The following THBS4 variants were observed in gnomAD, a reference collection of about 807,000 sequenced individuals.
The protein encoded by THBS4 is thrombospondin-4.
Under a neutral mutation model 115.7 loss-of-function variants are expected in THBS4, and 90 were observed. The observed-to-expected ratio is 0.78, with a 90% CI of 0.66 to 0.93. THBS4 has a LOEUF of 0.93. Ranked by LOEUF, THBS4 falls within the 40% of genes least tolerant of loss-of-function variation. The pLI, the probability that THBS4 is intolerant of heterozygous loss-of-function variation, is 0.00. For synonymous variants in THBS4, 460 were observed against 479.3 expected, an observed-to-expected ratio of 0.96 and a Z score of 0.53; for missense variants, 1,087 against 1,232.7, an observed-to-expected ratio of 0.88 and a Z score of 1.77.
intron 2 of THBS4, among the ~76,000 whole-genome samples, chr5:80,025,335 GT>G (rs1473193803): frequency 6.6e-6 from 1 of 152,304 alleles, no homozygotes; most frequent in East Asian, 1.9e-4. Context: ...AGAAAAACTA[GT>G]CATAATCTCG....
chr5:80,058,620 A>G, intron 4 of THBS4, 88 bp from the exon 5 acceptor site: 1 of 1,155,078 alleles, frequency 8.7e-7, no homozygotes, highest in East Asian at 2.4e-5. Context: ...TCTTGTCAGG[A>G]TGATTTCCTG....
chr5:80,013,904 G>A (rs190962826), intron 2 of THBS4, among the ~76,000 whole-genome samples: 24 of 152,298 alleles, frequency 1.6e-4, no homozygotes, highest in Non-Finnish European at 3.1e-4. Flanking sequence ...ATAACTAAGC[G>A]TCTTTGAAGG....
Position 80,072,537 on chromosome 5 carries a change from A to G in THBS4, c.1839+141A>G. On this transcript the variant is annotated intron_variant, in intron 14 of 21. Coordinates refer to ENST00000350881, the MANE Select transcript of THBS4 (RefSeq NM_003248.6). ...CAAAGCAGAGGTGGAAAAATGACACACTGTGGGCCTGAAGATGGTGGGATG... is the reference window on the plus strand; with the variant it reads ...CAAAGCAGAGGTGGAAAAATGACACGCTGTGGGCCTGAAGATGGTGGGATG... 3 of 746,478 alleles carry G rather than the reference A, an allele frequency of 4.0e-6. No individual in the cohort carries two copies. In the East Asian group the frequency reaches 7.4e-5, roughly 19 times the overall value. The allele number at this position is 746,478 out of a possible 1,614,324, so 46.2% of individuals were successfully genotyped here.
At chr5:79,994,143 C>T (rs1831742846) in intron 1 of THBS4, among the ~76,000 whole-genome samples, 1 of 152,164 alleles carries the variant, frequency 6.6e-6, no homozygotes, top group Non-Finnish European at 1.5e-5. Context: ...TTTCTACATG[C>T]CAGAAGTTGT....
chr5:80,061,488 A>T (rs1403079854), intron 7 of THBS4, among the ~76,000 whole-genome samples: 1 of 152,234 alleles, frequency 6.6e-6, no homozygotes, highest in African/African-American at 2.4e-5. Context: ...ATTATTCTAC[A>T]GCACAGCAAA....
chr5:80,039,777 G>A (rs1490687043), intron 1 of THBS4, among the ~76,000 whole-genome samples: 1 of 152,096 alleles, frequency 6.6e-6, no homozygotes, highest in African/African-American at 2.4e-5. Flanking sequence ...TTCCTGGTGG[G>A]CATTTTCAGA....
At chr5:79,991,369 T>C (rs1831668539) in exon 1 of THBS4, 2 of 814,762 alleles carry the variant, frequency 2.5e-6, no homozygotes, top group Non-Finnish European at 3.7e-6. Flanking sequence ...AAACAACGAC[T>C]GGAGGGATTA....
intron 2 of THBS4, among the ~76,000 whole-genome samples, chr5:80,025,953 A>G (rs146774982): frequency 2.6e-3 from 403 of 152,356 alleles, no homozygotes; most frequent in Admixed American, 0.015. Context: ...GTGAAGAGGC[A>G]TGGCAGAACT....
intron 20 of THBS4, 32 bp from the exon 21 acceptor site, chr5:80,082,374 C>T: frequency 6.2e-7 from 1 of 1,610,310 alleles, no homozygotes; most frequent in Non-Finnish European, 8.5e-7. Flanking sequence ...GGTTGGATTT[C>T]ATGGAGGCCC....
intron 2 of THBS4, among the ~76,000 whole-genome samples, chr5:80,055,396 A>C (rs983247896): frequency 6.6e-6 from 1 of 151,874 alleles, no homozygotes; most frequent in Non-Finnish European, 1.5e-5. Flanking sequence ...GGTAGTGCTC[A>C]GCAAGTGTTT....
Position 80,020,574 on chromosome 5 carries a change from G to A in THBS4, n.178-19503G>A, listed in dbSNP as rs75351892. ...CTGTGAGTGCATCGCTTAGTCAGAG[G>A]ACTCCAACTGTACAAGGGGGAATGT... On this transcript the variant is annotated intron_variant and non_coding_transcript_variant, in intron 2 of 3. Coordinates refer to the THBS4 transcript ENST00000510218. 4.6e-5 allele frequency among the ~76,000 whole-genome samples: 7 copies of A among 152,316 alleles called. No individual in the cohort carries two copies. The East Asian group carries it at 1.4e-3, about 29-fold the overall frequency.
chr5:80,019,531 T>C (rs896851976), intron 2 of THBS4: 2 of 152,248 alleles, frequency 1.3e-5, no homozygotes, highest in African/African-American at 4.8e-5. Flanking sequence ...AGGAGATGGC[T>C]GCTGAAGTAT....
chr5:80,046,574 G>A (rs1833072365), intron 2 of THBS4, among the ~76,000 whole-genome samples: 1 of 151,916 alleles, frequency 6.6e-6, no homozygotes, highest in Admixed American at 6.6e-5. Flanking sequence ...AAGACAAAGT[G>A]GATTTACTAA....
chr5:80,068,118 C>T lies in THBS4; in HGVS notation c.1340C>T (p.Thr447Ile). The T allele has an allele frequency of 6.2e-7, 1 of 1,613,872 alleles. No homozygotes were observed. The highest frequency in any genetic ancestry group is 8.5e-7 in the Non-Finnish European group (1 of 1,179,946). The change falls in exon 10 of 22, where the codon ACA (threonine) becomes ATA (isoleucine). Residue 447 changes from threonine to isoleucine, a missense_variant. Thr to Ile is a moderately conservative substitution (Grantham distance 89). Around this residue, in one of 3 missense-constraint regions of THBS4, gnomAD observed 979 missense variants for 1,103.7 expected, o/e 0.89. Coordinates refer to ENST00000350881, the MANE Select transcript of THBS4 (RefSeq NM_003248.6). Reference protein sequence around the residue: ...QCIEERQGDVTCVCGVGWAGD... With the variant: ...QCIEERQGDVICVCGVGWAGD... ...ATTGAAGAGAGGCAGGGGGATGTGA[C>T]ATGTGTGGTAAGTTGTTTTTTGACT...
intron 1 of THBS4, among the ~76,000 whole-genome samples, chr5:80,036,969 T>C (rs1212074113): frequency 6.6e-6 from 1 of 152,178 alleles, no homozygotes; most frequent in Non-Finnish European, 1.5e-5. Context: ...CAACCAGAAC[T>C]GTGGTTTCAG....
intron 20 of THBS4, 136 bp from the exon 21 acceptor site, chr5:80,082,270 T>C (rs1743548521): frequency 1.7e-6 from 2 of 1,191,376 alleles, no homozygotes; most frequent in Non-Finnish European, 2.4e-6. Flanking sequence ...ACAATCCAGG[T>C]CAGCGAAAAA....
At chr5:80,002,849 G>A (rs183805387) in intron 2 of THBS4, among the ~76,000 whole-genome samples, 6 of 151,490 alleles carry the variant, frequency 4.0e-5, no homozygotes, top group African/African-American at 1.5e-4. Context: ...GATGGTGCTG[G>A]GAAACTTAAT....
At chr5:80,030,109 T>C (rs1185768920) in intron 2 of THBS4, among the ~76,000 whole-genome samples, 2 of 152,214 alleles carry the variant, frequency 1.3e-5, no homozygotes, top group Non-Finnish European at 2.9e-5. Context: ...TTATTATTAA[T>C]AGTAAACTAA....
chr5:80,029,901 C>T (rs577497668), intron 2 of THBS4, among the ~76,000 whole-genome samples: 1 of 151,858 alleles, frequency 6.6e-6, no homozygotes, highest in Non-Finnish European at 1.5e-5. Context: ...ACCCGGGAGG[C>T]GGAGGTTGCA....
Sources: gnomAD v4.1 joint callset for allele counts (sites outside exome capture counted in the v4.1 genomes callset) on GRCh38, gnomAD v4.1.1 for gene constraint, gnomAD v4.1.1 regional missense constraint, MANE v1.5 for transcripts, NCBI Gene and HGNC (gene_info 2026-07-23, HGNC 2026-07-21) for gene names.